The following CENPP variants were observed in gnomAD, a reference collection of about 807,000 sequenced individuals.
CENPP encodes centromere protein P.
A neutral mutation model predicts 35.6 loss-of-function variants in CENPP; 24 were observed. The observed-to-expected ratio is 0.67, with a 90% CI of 0.49 to 0.95. CENPP has a LOEUF of 0.95. Among genes scored for constraint, CENPP ranks in the 40% least tolerant of loss-of-function variants. CENPP has a pLI of 0.00. For missense variants in CENPP, 332 were observed against 345.3 expected (o/e 0.96, Z 0.31); for synonymous variants, 120 against 125.5 (o/e 0.96, Z 0.29).
chr9:92,497,856 C>T (rs1846440811), intron 5 of CENPP, among the ~76,000 whole-genome samples: 1 of 142,890 alleles, frequency 7.0e-6, no homozygotes, highest in Non-Finnish European at 1.5e-5. Flanking sequence ...CTATTAATTC[C>T]CATAAGAGCT....
intron 5 of CENPP, among the ~76,000 whole-genome samples, chr9:92,500,486 A>T (rs1181150166): frequency 6.6e-6 from 1 of 152,236 alleles, no homozygotes. Context: ...CCTGACCAAA[A>T]GATGTTTTAA....
rs3802383 is a variant in CENPP at position 92,614,823 on chromosome 9, G to A, written c.*1674G>A. ...CCGGGCACACTTTGGTGACCCCAAC[G>A]AGAACCCTCTCGGCAGCAGCCAGGA... On this transcript the variant is annotated 3_prime_UTR_variant, in exon 8 of 8. Transcript: ENST00000375587. The A allele has an allele frequency of 0.039, 6,003 of 152,698 alleles. 178 individuals are homozygous for A. The highest frequency in any genetic ancestry group is 0.1 in the South Asian group (503 of 4,824). The allele number at this position is 152,698 out of a possible 1,614,324, so 9.5% of individuals were successfully genotyped here.
In CENPP at chr9:92,614,460, C is replaced by G. The variant is rs546896729; in HGVS notation, c.*1311C>G. On this transcript the variant is annotated 3_prime_UTR_variant, in exon 8 of 8. Coordinates refer to ENST00000375587, the MANE Select transcript of CENPP (RefSeq NM_001012267.3). The stretch of plus-strand genomic sequence containing the variant: ...GGTGTCATTGGAAGTGAGAAGAAAA[C>G]AGTAAAAGTGTCCAGTTAGATAAGT... 1 of 152,508 alleles carries G rather than the reference C, an allele frequency of 6.6e-6. No individual in the cohort carries two copies. The highest frequency in any genetic ancestry group is 6.5e-5 in the Admixed American group (1 of 15,282). 9.4% of individuals were successfully genotyped at this position (152,508 alleles called of 1,614,324 possible).
At chr9:92,429,561 C>T (rs904222570) in intron 5 of CENPP, among the ~76,000 whole-genome samples, 2 of 152,066 alleles carry the variant, frequency 1.3e-5, no homozygotes, top group East Asian at 1.9e-4. Context: ...CTGAGGAGGG[C>T]GGATTACCTG....
At chr9:92,377,523 C>CAG (rs1445693431) in intron 4 of CENPP, among the ~76,000 whole-genome samples, 1 of 152,162 alleles carries the variant, frequency 6.6e-6, no homozygotes, top group Non-Finnish European at 1.5e-5. Context: ...GGGTATCTTA[C>CAG]AGTACTACAA....
At chr9:92,452,920 G>C (rs552859024) in intron 5 of CENPP, among the ~76,000 whole-genome samples, 1 of 152,074 alleles carries the variant, frequency 6.6e-6, no homozygotes, top group African/African-American at 2.4e-5. Context: ...ATGGTAGTTT[G>C]TATTTCTGTG....
At chr9:92,401,714 T>C (rs1358395699) in intron 5 of CENPP, among the ~76,000 whole-genome samples, 1 of 152,170 alleles carries the variant, frequency 6.6e-6, no homozygotes, top group Non-Finnish European at 1.5e-5. Context: ...TTGGATCCCT[T>C]TTATTCCAGC....
chr9:92,431,533 T>C (rs1387219795), intron 5 of CENPP, among the ~76,000 whole-genome samples: 1 of 152,178 alleles, frequency 6.6e-6, no homozygotes, highest in Non-Finnish European at 1.5e-5. Context: ...TTTTCTCTTC[T>C]GTTGTATGCC....
chr9:92,619,056 T>G lies in CENPP; in HGVS notation c.*5907T>G, dbSNP rs111450153. ...AGAGGAAGCAGAATGAATGCGCGCC[T>G]CACAGGCTTTCAAATGACTGTGGTG... On this transcript the variant is annotated 3_prime_UTR_variant, in exon 8 of 8. Coordinates refer to ENST00000375587, the MANE Select transcript of CENPP (RefSeq NM_001012267.3). 1.3e-5 allele frequency: 3 copies of G among 230,410 alleles called. No individual in the cohort carries two copies. Among genetic ancestry groups the G allele is most frequent in the African/African-American group, 6.8e-5 (3 of 44,326 alleles). The allele number at this position is 230,410 out of a possible 1,614,324, so 14.3% of individuals were successfully genotyped here.
intron 5 of CENPP, among the ~76,000 whole-genome samples, chr9:92,492,178 A>G (rs1417116855): frequency 3.3e-5 from 5 of 152,236 alleles, no homozygotes; most frequent in Admixed American, 3.3e-4. Flanking sequence ...CACTATGCCT[A>G]ACACAAATAT....
intron 5 of CENPP, among the ~76,000 whole-genome samples, chr9:92,584,877 T>C (rs887920511): frequency 3.3e-5 from 5 of 152,264 alleles, no homozygotes; most frequent in Non-Finnish European, 5.9e-5. Context: ...GTAGGTCATG[T>C]ACATTCGTAC....
intron 4 of CENPP, among the ~76,000 whole-genome samples, chr9:92,372,848 C>T (rs1264043758): frequency 6.6e-6 from 1 of 151,396 alleles, no homozygotes; most frequent in African/African-American, 2.4e-5. Context: ...TGACTAGACT[C>T]CTTTCTCTTG....
chr9:92,568,257 C>G (rs897320227), intron 5 of CENPP, among the ~76,000 whole-genome samples: 9 of 151,998 alleles, frequency 5.9e-5, no homozygotes, highest in Admixed American at 5.2e-4. Flanking sequence ...CACAACAGGC[C>G]CCAGTGTGTG....
chr9:92,601,407 G>A (rs568775118), intron 5 of CENPP, among the ~76,000 whole-genome samples: 2 of 152,262 alleles, frequency 1.3e-5, no homozygotes, highest in African/African-American at 4.8e-5. Flanking sequence ...TTTCCAAAGG[G>A]AGCTTCTGGT....
At chr9:92,608,203 A>T (rs1851134982) in intron 5 of CENPP, among the ~76,000 whole-genome samples, 1 of 152,210 alleles carries the variant, frequency 6.6e-6, no homozygotes, top group Admixed American at 6.5e-5. Flanking sequence ...CCTAAGGTGC[A>T]CTAGGGAGAG....
At chr9:92,397,025 A>G (rs1187323148) in intron 5 of CENPP, among the ~76,000 whole-genome samples, 1 of 151,602 alleles carries the variant, frequency 6.6e-6, no homozygotes, top group East Asian at 2.0e-4. Flanking sequence ...AAAAATACAA[A>G]AATTAGCCAG....
intron 5 of CENPP, among the ~76,000 whole-genome samples, chr9:92,390,787 T>C (rs1842646360): frequency 6.6e-6 from 1 of 152,224 alleles, no homozygotes; most frequent in Non-Finnish European, 1.5e-5. Context: ...TATTAGTATA[T>C]AACTTTATGT....
chr9:92,332,355 A>G lies in CENPP; in HGVS notation c.289+4A>G. 3.2e-6 allele frequency: 5 copies of G among 1,556,878 alleles called. No homozygotes were observed. The highest frequency in any genetic ancestry group is 4.3e-6 in the Non-Finnish European group (5 of 1,153,874). ...AGCACTGAGATGACAGAAAAGAGTAAGCATTTTTTTTAAATCTAGACATAG... is the reference window on the plus strand; with the variant it reads ...AGCACTGAGATGACAGAAAAGAGTAGGCATTTTTTTTAAATCTAGACATAG... On this transcript the variant is annotated splice_donor_region_variant and intron_variant, in intron 2 of 7. Coordinates refer to ENST00000375587, the MANE Select transcript of CENPP (RefSeq NM_001012267.3).
intron 5 of CENPP, among the ~76,000 whole-genome samples, chr9:92,426,510 C>T (rs1843971342): frequency 6.6e-6 from 1 of 152,206 alleles, no homozygotes; most frequent in Non-Finnish European, 1.5e-5. Context: ...AGAAAATAAA[C>T]ATAAATAAGC....
Sources: allele counts gnomAD v4.1 joint callset (sites outside exome capture counted in the v4.1 genomes callset), GRCh38; gene constraint gnomAD v4.1.1; transcripts MANE v1.5; gene names NCBI Gene and HGNC (gene_info 2026-07-23, HGNC 2026-07-21).